The following TAFA1 variants were observed in gnomAD, a reference collection of about 807,000 sequenced individuals.
TAFA1 encodes the protein TAFA chemokine like family member 1.
In TAFA1, 4 loss-of-function variants were observed where a neutral mutation model predicts 18.5. The observed-to-expected ratio is 0.22, with a 90% CI of 0.11 to 0.49. TAFA1 has a LOEUF of 0.49. TAFA1 is among the 20% of genes least tolerant of loss of function. The pLI, the probability that TAFA1 is intolerant of heterozygous loss-of-function variation, is 0.98. For synonymous variants in TAFA1, 56 were observed against 55.2 expected, an observed-to-expected ratio of 1.01 and a Z score of -0.06; for missense variants, 147 against 169.0, an observed-to-expected ratio of 0.87 and a Z score of 0.72.
intron 2 of TAFA1, among the ~76,000 whole-genome samples, chr3:68,296,654 A>G (rs955036610): frequency 2.0e-5 from 3 of 152,102 alleles, no homozygotes; most frequent in African/African-American, 4.8e-5. Flanking sequence ...ACTAGTCTCT[A>G]TGGATACACT....
intron 2 of TAFA1, among the ~76,000 whole-genome samples, chr3:68,338,113 C>T (rs1486369909): frequency 2.0e-5 from 3 of 152,220 alleles, no homozygotes; most frequent in Non-Finnish European, 4.4e-5. Context: ...GAGCTCTGGA[C>T]TACCTGCTAT....
At chr3:68,263,161 G>T (rs2067469347) in intron 2 of TAFA1, among the ~76,000 whole-genome samples, 1 of 152,032 alleles carries the variant, frequency 6.6e-6, no homozygotes, top group Non-Finnish European at 1.5e-5. Context: ...CAAACTCTTA[G>T]TCTCAATTCA....
chr3:68,478,997 C>A (rs2072162677), intron 3 of TAFA1, among the ~76,000 whole-genome samples: 1 of 150,066 alleles, frequency 6.7e-6, no homozygotes. Flanking sequence ...CTTTAGGAGG[C>A]CGAGGCAAGT....
chr3:68,362,929 T>G, intron 2 of TAFA1, among the ~76,000 whole-genome samples: 1 of 131,432 alleles, frequency 7.6e-6, no homozygotes, highest in Admixed American at 8.1e-5. Context: ...AATCCCAAAT[T>G]AGATTTCTTC....
chr3:68,453,305 G>A (rs2071598577), intron 3 of TAFA1, among the ~76,000 whole-genome samples: 1 of 152,252 alleles, frequency 6.6e-6, no homozygotes, highest in East Asian at 1.9e-4. Context: ...GAAAATGTCT[G>A]CAATCAGAAA....
chr3:68,065,639 A>G (rs1404620822), intron 2 of TAFA1, among the ~76,000 whole-genome samples: 1 of 152,044 alleles, frequency 6.6e-6, no homozygotes, highest in Non-Finnish European at 1.5e-5. Flanking sequence ...GAGTGGAGAC[A>G]TAGATGAATT....
intron 3 of TAFA1, among the ~76,000 whole-genome samples, chr3:68,432,797 A>G (rs1026744766): frequency 6.6e-6 from 1 of 152,006 alleles, no homozygotes; most frequent in African/African-American, 2.4e-5. Flanking sequence ...GAAATATCTC[A>G]TATGCATGAT....
intron 2 of TAFA1, among the ~76,000 whole-genome samples, chr3:68,320,589 T>G (rs574392016): frequency 6.6e-6 from 1 of 152,322 alleles, no homozygotes; most frequent in South Asian, 2.1e-4. Flanking sequence ...ACTCTGGTAC[T>G]TAGTCCCAGT....
intron 2 of TAFA1, among the ~76,000 whole-genome samples, chr3:68,211,010 C>A (rs1432750069): frequency 2.6e-5 from 4 of 151,976 alleles, no homozygotes; most frequent in Non-Finnish European, 4.4e-5. Context: ...GAAAGGAGAC[C>A]TTTGTCCCTT....
intron 2 of TAFA1, among the ~76,000 whole-genome samples, chr3:68,305,423 ATATATATATATATATATATATAT>A (rs1575763055): frequency 1.1e-5 from 1 of 94,322 alleles, no homozygotes; most frequent in East Asian, 3.0e-4. Context: ...ATATATATAT[ATATATATATATATATATATATAT>A]ATATATATAT....
At chr3:67,999,865 T>C (rs974360827), upstream of TAFA1, among the ~76,000 whole-genome samples, 1 of 151,848 alleles carries the variant, frequency 6.6e-6, no homozygotes, top group African/African-American at 2.4e-5. Flanking sequence ...CTCGGCTCAC[T>C]GCAACCTCTG....
chr3:68,074,620 T>A (rs6548970), intron 2 of TAFA1, among the ~76,000 whole-genome samples: 1 of 152,184 alleles, frequency 6.6e-6, no homozygotes, highest in Admixed American at 6.5e-5. Context: ...ACCCTGACTG[T>A]GAGAGAGATT....
At chr3:68,430,646 A>G (rs1030656428) in intron 3 of TAFA1, among the ~76,000 whole-genome samples, 3 of 151,930 alleles carry the variant, frequency 2.0e-5, no homozygotes, top group Non-Finnish European at 2.9e-5. Flanking sequence ...CAAAACCTCT[A>G]TACTAACACT....
chr3:68,527,478 T>G (rs1027339628), intron 3 of TAFA1, among the ~76,000 whole-genome samples: 1 of 152,218 alleles, frequency 6.6e-6, no homozygotes, highest in African/African-American at 2.4e-5. Context: ...TTTTATATCA[T>G]AATATATACT....
chr3:68,302,369 A>G (rs1456675372), intron 2 of TAFA1, among the ~76,000 whole-genome samples: 2 of 151,962 alleles, frequency 1.3e-5, no homozygotes, highest in Non-Finnish European at 2.9e-5. Flanking sequence ...GGCACTTCCC[A>G]CTCAGAGAAT....
At chr3:68,056,135 C>T (rs1464054234) in intron 2 of TAFA1, among the ~76,000 whole-genome samples, 2 of 152,168 alleles carry the variant, frequency 1.3e-5, no homozygotes, top group Non-Finnish European at 2.9e-5. Context: ...TGTGCCCCAT[C>T]CCAATTCAAT....
rs148296341 is a variant in TAFA1 at position 68,508,623 on chromosome 3, C to A, written c.260-30133C>A. Among the ~76,000 whole-genome samples, 387 of 152,180 alleles carry A rather than the reference C, an allele frequency of 2.5e-3. 2 individuals are homozygous for A. The highest frequency in any genetic ancestry group is 8.6e-3 in the African/African-American group (358 of 41,534). On this transcript the variant is annotated intron_variant, in intron 3 of 4. Coordinates refer to ENST00000478136, the MANE Select transcript of TAFA1 (RefSeq NM_213609.4). ...AAAACAATCCTACATATCTGAGATG[C>A]ATGCACAAATAAGGCAGAAAAAGAT...
chr3:68,006,356 A>G, intron 1 of TAFA1: 1 of 407,770 alleles, frequency 2.5e-6, no homozygotes, highest in Non-Finnish European at 4.6e-6. Flanking sequence ...TAAACCGACT[A>G]ACTGATAGCC....
chr3:68,544,173 T>C (rs1402167743), intron 4 of TAFA1, among the ~76,000 whole-genome samples: 3 of 152,054 alleles, frequency 2.0e-5, no homozygotes. Flanking sequence ...CTTTCCAGGA[T>C]AGGGCCTTGT....
Sources: gnomAD v4.1 joint callset for allele counts (sites outside exome capture counted in the v4.1 genomes callset) on GRCh38, gnomAD v4.1.1 for gene constraint, MANE v1.5 for transcripts, NCBI Gene and HGNC (gene_info 2026-07-23, HGNC 2026-07-21) for gene names.